VSTM4: variants seen among roughly 807,000 people sequenced by gnomAD.
The protein encoded by VSTM4 is V-set and transmembrane domain containing 4.
VSTM4 carries 20 observed loss-of-function variants against 36.4 expected under a neutral mutation model. The observed-to-expected ratio is 0.55, with a 90% CI of 0.39 to 0.80. VSTM4 has a LOEUF of 0.80. Ranked by LOEUF, VSTM4 falls within the 30% of genes least tolerant of loss-of-function variation. The pLI is 0.00. For missense variants in VSTM4, 392 were observed against 404.5 expected (o/e 0.97, Z 0.26); for synonymous variants, 182 against 173.9 (o/e 1.05, Z -0.37).
intron 7 of VSTM4, among the ~76,000 whole-genome samples, chr10:49,046,181 T>C (rs1329839701): frequency 6.6e-6 from 1 of 152,204 alleles, no homozygotes; most frequent in Non-Finnish European, 1.5e-5. Flanking sequence ...TTACCCAGTC[T>C]TGGGTAGTAT....
chr10:49,028,845 C>T (rs1341304905), intron 7 of VSTM4, among the ~76,000 whole-genome samples: 1 of 152,192 alleles, frequency 6.6e-6, no homozygotes, highest in Non-Finnish European at 1.5e-5. Context: ...ATAACTGGGA[C>T]ATGGAATGTT....
chr10:49,082,378 A>G (rs750271490), intron 3 of VSTM4, among the ~76,000 whole-genome samples: 3 of 152,242 alleles, frequency 2.0e-5, no homozygotes, highest in Non-Finnish European at 4.4e-5. Context: ...AAAATACCAC[A>G]TATGGTCAGG....
rs1049373361 is a variant in VSTM4 at position 49,077,202 on chromosome 10, C to T, written c.634+17G>A. 6.2e-7 allele frequency: 1 copy of T among 1,612,840 alleles called. No individual in the cohort carries two copies. The highest frequency in any genetic ancestry group is 1.1e-5 in the South Asian group (1 of 91,028). On this transcript the variant is annotated intron_variant, in intron 4 of 7. Transcript: ENST00000332853. ...GGTGTGCTCCCATCCCAGACATGAC[C>T]TTATCTGTTTTCTTACCTCTGGATT...
At chr10:49,102,437 T>A (rs984976629) in intron 2 of VSTM4, 1 of 985,382 alleles carries the variant, frequency 1.0e-6, no homozygotes, top group Non-Finnish European at 1.2e-6. Context: ...CCTGGCCAAC[T>A]CTTTTATGTA....
chr10:49,108,005 A>T lies in VSTM4; in HGVS notation c.56-10T>A, dbSNP rs1016614944. The T allele has an allele frequency of 6.5e-7, 1 of 1,547,880 alleles. No individual in the cohort carries two copies. The highest frequency in any genetic ancestry group is 8.7e-7 in the Non-Finnish European group (1 of 1,143,172). On this transcript the variant is annotated splice_polypyrimidine_tract_variant and intron_variant, in intron 1 of 7. Transcript: ENST00000332853. ...AGGGCCGCACAGACCTCTGCAGAGA[A>T]AAAGGGGAGAAGAGAGGATGAGGAG... is the stretch of plus-strand genomic sequence containing the variant.
intron 7 of VSTM4, among the ~76,000 whole-genome samples, chr10:49,034,126 A>G (rs534912069): frequency 6.6e-6 from 1 of 152,186 alleles, no homozygotes; most frequent in African/African-American, 2.4e-5. Context: ...TACCATCACT[A>G]CCACCATCAT....
At chr10:49,066,792 TA>T (rs1249926523) in intron 4 of VSTM4, among the ~76,000 whole-genome samples, 1 of 152,128 alleles carries the variant, frequency 6.6e-6, no homozygotes, top group Non-Finnish European at 1.5e-5. Context: ...TAAGTCAATC[TA>T]AAAAATATTT....
chr10:49,094,471 T>C (rs1315324319), intron 2 of VSTM4, among the ~76,000 whole-genome samples: 1 of 152,128 alleles, frequency 6.6e-6, no homozygotes, highest in African/African-American at 2.4e-5. Context: ...CAAGTAGGCC[T>C]TGCTAATTTG....
At chr10:49,033,761 A>G (rs1339684493) in intron 7 of VSTM4, among the ~76,000 whole-genome samples, 8 of 152,170 alleles carry the variant, frequency 5.3e-5, no homozygotes, top group African/African-American at 1.9e-4. Flanking sequence ...CCTCTAACTC[A>G]TCTGTGAAAT....
chr10:49,115,403 C>T, intron 1 of VSTM4, 28 bp downstream of exon 1: 2 of 1,014,612 alleles, frequency 2.0e-6, no homozygotes, highest in African/African-American at 1.7e-5. Flanking sequence ...CCACCCTTCC[C>T]GCTCCCGCCT....
intron 5 of VSTM4, among the ~76,000 whole-genome samples, chr10:49,060,711 T>C (rs1056794657): frequency 6.6e-6 from 1 of 152,202 alleles, no homozygotes; most frequent in African/African-American, 2.4e-5. Flanking sequence ...TTCTTTCATT[T>C]ATGGATTCTG....
intron 5 of VSTM4, among the ~76,000 whole-genome samples, chr10:49,053,716 G>A (rs1449934995): frequency 6.6e-6 from 1 of 152,178 alleles, no homozygotes; most frequent in African/African-American, 2.4e-5. Context: ...TCAGCCCAGT[G>A]AGTAGGGCTG....
chr10:49,057,708 T>C (rs906944619), intron 5 of VSTM4, among the ~76,000 whole-genome samples: 1 of 152,056 alleles, frequency 6.6e-6, no homozygotes, highest in Non-Finnish European at 1.5e-5. Flanking sequence ...CGTGGGAGCA[T>C]GGGAGGGAGG....
intron 2 of VSTM4, among the ~76,000 whole-genome samples, chr10:49,090,921 G>C (rs1844462168): frequency 6.6e-6 from 1 of 151,408 alleles, no homozygotes; most frequent in Non-Finnish European, 1.5e-5. Context: ...TGTGTCCAGG[G>C]AGACCATGAC....
chr10:49,048,606 G>A (rs750671303), intron 5 of VSTM4, 22 bp from the exon 6 acceptor site: 2 of 1,565,228 alleles, frequency 1.3e-6, no homozygotes, highest in South Asian at 1.2e-5. Context: ...AAAGTTTCCA[G>A]TGAAACCAAA....
At chr10:49,109,942 C>A (rs1361562202) in intron 1 of VSTM4, among the ~76,000 whole-genome samples, 2 of 152,228 alleles carry the variant, frequency 1.3e-5, no homozygotes, top group African/African-American at 4.8e-5. Flanking sequence ...ATTTCTTCCT[C>A]ACTGCTGAAG....
chr10:49,056,986 G>A (rs3924985), intron 5 of VSTM4, among the ~76,000 whole-genome samples: 29,905 of 151,714 alleles, frequency 0.2, 4,606 homozygotes, highest in African/African-American at 0.42. Flanking sequence ...GGAGGGGCCC[G>A]CATATCATCC....
chr10:49,052,509 C>T (rs1388952617), intron 5 of VSTM4, among the ~76,000 whole-genome samples: 1 of 149,222 alleles, frequency 6.7e-6, no homozygotes, highest in Non-Finnish European at 1.5e-5. Flanking sequence ...GCTTTTCTTA[C>T]AGGTTTGCAA....
chr10:49,076,956 A>C (rs762688780), intron 4 of VSTM4, among the ~76,000 whole-genome samples: 51 of 152,144 alleles, frequency 3.4e-4, no homozygotes, highest in Non-Finnish European at 8.8e-5. Context: ...ATCTGATGCC[A>C]CAGACTCTTC....
Sources: allele counts gnomAD v4.1 joint callset (sites outside exome capture counted in the v4.1 genomes callset), GRCh38; gene constraint gnomAD v4.1.1; transcripts MANE v1.5; gene names NCBI Gene and HGNC (gene_info 2026-07-23, HGNC 2026-07-21).